The following ADCY10 variants were observed in gnomAD, a reference collection of about 807,000 sequenced individuals.
ADCY10 encodes the protein adenylate cyclase type 10.
A neutral mutation model predicts 183.3 loss-of-function variants in ADCY10; 156 were observed. The observed-to-expected ratio is 0.85, with a 90% CI of 0.75 to 0.97. The LOEUF (loss-of-function observed/expected upper bound fraction) is 0.97. ADCY10 is among the 50% of genes least tolerant of loss of function. The pLI, the probability that ADCY10 is intolerant of heterozygous loss-of-function variation, is 0.00. For synonymous variants in ADCY10, 645 were observed against 670.0 expected (o/e 0.96, Z 0.58); for missense variants, 1,745 against 1,934.3 (o/e 0.90, Z 1.84).
intron 13 of ADCY10, among the ~76,000 whole-genome samples, chr1:167,874,218 C>A (rs1667294202): frequency 6.6e-6 from 1 of 152,094 alleles, no homozygotes; most frequent in Non-Finnish European, 1.5e-5. Flanking sequence ...GTAATCCCAG[C>A]TACTCAGGAG....
chr1:167,850,757 T>G (rs1389883006), intron 18 of ADCY10, among the ~76,000 whole-genome samples: 1 of 151,348 alleles, frequency 6.6e-6, no homozygotes, highest in African/African-American at 2.4e-5. Context: ...CCATGCTATT[T>G]TATGCTTATT....
intron 21 of ADCY10, 99 bp downstream of exon 21, chr1:167,845,464 G>A (rs1331575063): frequency 1.6e-6 from 2 of 1,289,828 alleles, no homozygotes; most frequent in Non-Finnish European, 2.2e-6. Context: ...AGCCGCTTAT[G>A]AGACTTGAAG....
intron 26 of ADCY10, among the ~76,000 whole-genome samples, chr1:167,826,249 A>T (rs535601485): frequency 1.3e-5 from 2 of 152,368 alleles, no homozygotes; most frequent in East Asian, 1.9e-4. Flanking sequence ...AGTGTTGGGC[A>T]CGAGAAATCC....
intron 8 of ADCY10, among the ~76,000 whole-genome samples, chr1:167,888,924 A>G (rs951480388): frequency 8.6e-5 from 13 of 150,720 alleles, no homozygotes; most frequent in Admixed American, 4.6e-4. Context: ...TGATTTTTGT[A>G]TGATGATTTT....
chr1:167,855,353 C>CAAAG (rs1553268882), intron 17 of ADCY10, among the ~76,000 whole-genome samples: 2 of 151,682 alleles, frequency 1.3e-5, no homozygotes, highest in African/African-American at 4.9e-5. Context: ...AACAAACAAA[C>CAAAG]AAAAAACAAA....
At chr1:167,913,479 A>T (rs925118274) in intron 1 of ADCY10, among the ~76,000 whole-genome samples, 3 of 152,190 alleles carry the variant, frequency 2.0e-5, no homozygotes, top group African/African-American at 7.2e-5. Context: ...TAGCCATGGT[A>T]ATTTTTCTTC....
At position 167,856,269 on chromosome 1, in the gene ADCY10, G is replaced by T. The variant is rs1665884800; in HGVS notation, c.2067C>A (p.Asn689Lys). 2 of 1,613,870 alleles carry T rather than the reference G, an allele frequency of 1.2e-6. No homozygotes were observed. The highest frequency in any genetic ancestry group is 2.2e-5 in the South Asian group (2 of 91,082). The change falls in exon 17 of 33, where the codon AAC (asparagine) becomes AAA (lysine). Residue 689 changes from asparagine to lysine, a missense_variant. Coordinates refer to ENST00000367851, the MANE Select transcript of ADCY10 (RefSeq NM_018417.6). ...CAATGACAATGTAGGTGGTGTTCCT[G>T]TTCTTTATTACGGCCCTGGCAGCTG... ...PCAAARAVIKNRNTTYIVIGA... is the reference protein window; with the variant it reads ...PCAAARAVIKKRNTTYIVIGA...
chr1:167,902,100 G>C, intron 3 of ADCY10, 46 bp from the exon 4 acceptor site: 1 of 1,567,028 alleles, frequency 6.4e-7, no homozygotes, highest in African/African-American at 1.4e-5. Context: ...TTCCTTAAAG[G>C]TAGTAAAAAA....
chr1:167,852,103 C>T (rs1037738647), intron 18 of ADCY10, among the ~76,000 whole-genome samples: 1 of 152,092 alleles, frequency 6.6e-6, no homozygotes, highest in Admixed American at 6.5e-5. Flanking sequence ...ACACAAAAGA[C>T]ACTGAAGGGT....
In ADCY10 at chr1:167,880,428, C is replaced by T. The variant is rs1667791408; in HGVS notation, c.1139+63G>A. ...TTCTTTCTTTCCTGTTCCCTGCATG[C>T]CCTCCCTACTTATGCCTCAAAAGGG... On this transcript the variant is annotated intron_variant, in intron 10 of 32. Transcript: ENST00000367851. 6.7e-6 allele frequency: 8 copies of T among 1,197,022 alleles called. No individual in the cohort carries two copies. The South Asian group carries it at 7.3e-5, about 11-fold the overall frequency. 74.2% of individuals were successfully genotyped at this position (1,197,022 alleles called of 1,614,324 possible). A position where few individuals can be genotyped will look rare whatever the true frequency, so the allele number is the denominator to read the frequency against.
Position 167,822,141 on chromosome 1 carries a change from C to T in ADCY10, c.4169G>A (p.Gly1390Asp). ...TTCTTCAAATGTTCTATAAACAAAA[C>T]CTAAGAGAGAGAGGAATGGGTGAGA... ...FVCLDILLYS[G>D]FVYRTFEECL... Residue 1390 changes from glycine to aspartate, a missense_variant and splice_region_variant, in exon 30 of 33, where the codon GGT becomes GAT. Gly to Asp is a moderately conservative substitution (Grantham distance 94). Transcript: ENST00000367851. 6.5e-7 allele frequency: 1 copy of T among 1,546,490 alleles called. No homozygotes were observed. Among genetic ancestry groups the T allele is most frequent in the Non-Finnish European group, 8.9e-7 (1 of 1,118,402 alleles).
chr1:167,893,998 T>G (rs1055904105), intron 7 of ADCY10, 57 bp from the exon 8 acceptor site: 28 of 1,226,836 alleles, frequency 2.3e-5, no homozygotes, highest in Non-Finnish European at 3.2e-5. Flanking sequence ...TCTGCAGTGC[T>G]AGTGAGAGGA....
At chr1:167,852,654 T>C (rs745630293) in intron 18 of ADCY10, among the ~76,000 whole-genome samples, 2 of 152,096 alleles carry the variant, frequency 1.3e-5, no homozygotes, top group Admixed American at 6.6e-5. Context: ...TATTTAATGA[T>C]CCACTATCAT....
chr1:167,899,324 C>G, intron 6 of ADCY10, 99 bp downstream of exon 6: 1 of 1,219,670 alleles, frequency 8.2e-7, no homozygotes. Context: ...ATCTCCAGCC[C>G]AGGAGCTTTA....
At chr1:167,820,144 C>T in intron 30 of ADCY10, 1 of 1,549,246 alleles carries the variant, frequency 6.5e-7, no homozygotes, top group Non-Finnish European at 8.7e-7. Context: ...TTTTGGATCC[C>T]TTAATTTCCT....
At chr1:167,895,140 C>T (rs1287455127) in intron 7 of ADCY10, among the ~76,000 whole-genome samples, 1 of 150,894 alleles carries the variant, frequency 6.6e-6, no homozygotes, top group South Asian at 2.1e-4. Flanking sequence ...CCATATCGCG[C>T]CAGTGCACTC....
chr1:167,814,731 G>C (rs567887946), intron 31 of ADCY10, among the ~76,000 whole-genome samples: 1 of 152,150 alleles, frequency 6.6e-6, no homozygotes, highest in Admixed American at 6.5e-5. Flanking sequence ...ATGGAGGGCA[G>C]ACATGGATAC....
At chr1:167,864,740 C>T (rs529071363) in intron 14 of ADCY10, among the ~76,000 whole-genome samples, 89 of 152,110 alleles carry the variant, frequency 5.9e-4, no homozygotes, top group African/African-American at 2.0e-3. Context: ...AGGTATTCTC[C>T]GTAACCCTGT....
chr1:167,841,806 G>C (rs1664672864), intron 21 of ADCY10, among the ~76,000 whole-genome samples: 2 of 152,120 alleles, frequency 1.3e-5, no homozygotes, highest in South Asian at 4.1e-4. Context: ...GTTCTCCACT[G>C]TCTACTTTTC....
Sources: allele counts gnomAD v4.1 joint callset (sites outside exome capture counted in the v4.1 genomes callset), GRCh38; gene constraint gnomAD v4.1.1; transcripts MANE v1.5; gene names NCBI Gene and HGNC (gene_info 2026-07-23, HGNC 2026-07-21).